Variants in RBMS1 observed in about 807,000 individuals in gnomAD.
The protein encoded by RBMS1 is RNA binding motif single stranded interacting protein 1, also known as RNA-binding motif, single-stranded-interacting protein 1.
RBMS1 carries 17 observed loss-of-function variants against 62.3 expected under a neutral mutation model. That is an observed-to-expected ratio of 0.27 (90% CI 0.19 to 0.41). The LOEUF is 0.41. Among genes scored for constraint, RBMS1 ranks in the 10% least tolerant of loss-of-function variants. RBMS1 has a pLI of 1.00. For synonymous variants in RBMS1, 172 were observed against 170.0 expected (o/e 1.01, Z -0.09); for missense variants, 334 against 504.5 (o/e 0.66, Z 3.24).
rs1023099857 is a variant in RBMS1 at position 160,284,762 on chromosome 2, T to G, written c.900+13A>C. 1 of 1,555,664 alleles carries G rather than the reference T, an allele frequency of 6.4e-7. No homozygotes were observed. Among genetic ancestry groups the G allele is most frequent in the Non-Finnish European group, 8.9e-7 (1 of 1,126,942 alleles). ...AAGTGGTTATACTGCTGACGAATCC[T>G]AAAGGTACAAACCTGGTAGGCAGAT... On this transcript the variant is annotated intron_variant, in intron 9 of 13. Coordinates refer to ENST00000348849, the MANE Select transcript of RBMS1 (RefSeq NM_016836.4).
chr2:160,338,451 TAGAAA>T (rs1213167639), intron 2 of RBMS1, among the ~76,000 whole-genome samples: 1 of 152,126 alleles, frequency 6.6e-6, no homozygotes, highest in East Asian at 1.9e-4. Flanking sequence ...TTATGTATAC[TAGAAA>T]AAAGTTACAG....
intron 1 of RBMS1, among the ~76,000 whole-genome samples, chr2:160,444,716 G>A (rs565368880): frequency 2.0e-5 from 3 of 152,154 alleles, no homozygotes; most frequent in South Asian, 2.1e-4. Flanking sequence ...GGTAATTAAA[G>A]TTAAATGAGG....
chr2:160,313,108 A>G (rs779175152), intron 4 of RBMS1, 48 bp downstream of exon 4: 14 of 1,577,086 alleles, frequency 8.9e-6, no homozygotes, highest in African/African-American at 2.7e-5. Context: ...GTCGGGCTTC[A>G]CAACCAAAGC....
At chr2:160,308,830 G>A (rs917551732) in intron 4 of RBMS1, among the ~76,000 whole-genome samples, 1 of 152,158 alleles carries the variant, frequency 6.6e-6, no homozygotes, top group Non-Finnish European at 1.5e-5. Flanking sequence ...CTGTAGACAC[G>A]ACATATAGTG....
intron 1 of RBMS1, among the ~76,000 whole-genome samples, chr2:160,454,784 A>G (rs1455453835): frequency 6.6e-6 from 1 of 152,240 alleles, no homozygotes; most frequent in Non-Finnish European, 1.5e-5. Context: ...TGGGGCTGGG[A>G]CAGTGACAGG....
rs1017646035 is a variant in RBMS1, at chr2:160,351,333, TA to T, written c.251+15882del. On this transcript the variant is annotated intron_variant, in intron 2 of 13. Coordinates refer to ENST00000348849, the MANE Select transcript of RBMS1 (RefSeq NM_016836.4). ...CTAGAACTTAAAGTATAATAAATAA[TA>T]AAAAAAAAAGAGAGAATGAAGCAGA... Among the ~76,000 whole-genome samples the T allele has an allele frequency of 2.3e-3, 330 of 144,486 alleles. 3 individuals are homozygous for T. The highest frequency in any genetic ancestry group is 5.9e-3 in the African/African-American group (233 of 39,340). The allele number at this position is 144,486 out of a possible 152,430, so 94.8% of individuals were successfully genotyped here.
rs544945976 is a variant in RBMS1 at position 160,318,379 on chromosome 2, G to C, written c.252-152C>G. On this transcript the variant is annotated intron_variant, in intron 2 of 13. Transcript: ENST00000348849. ...ACAAAATTTTCTTTACTAAGAGACA[G>C]GAAATGAGAATTCTGAACTCAAAAC... 1.4e-5 allele frequency: 17 copies of C among 1,211,656 alleles called. No homozygotes were observed. The East Asian group carries it at 3.2e-4, about 23-fold the overall frequency. The allele number at this position is 1,211,656 out of a possible 1,614,324, so 75.1% of individuals were successfully genotyped here. A position where few individuals can be genotyped will look rare whatever the true frequency, so the allele number is the denominator to read the frequency against.
intron 1 of RBMS1, among the ~76,000 whole-genome samples, chr2:160,443,211 CA>C (rs67505228): frequency 0.6 from 80,166 of 133,122 alleles, 22,951 homozygotes; most frequent in Admixed American, 0.69. Context: ...CTTAAGAAAA[CA>C]AAAAAAAAAA....
At position 160,274,395 on chromosome 2, in the gene RBMS1, G is replaced by A. The variant is rs1687718920; in HGVS notation, c.*377C>T. 1.3e-5 allele frequency: 2 copies of A among 149,436 alleles called. No individual in the cohort carries two copies. Among genetic ancestry groups the A allele is most frequent in the Admixed American group, 6.7e-5 (1 of 15,020 alleles). 9.3% of individuals were successfully genotyped at this position (149,436 alleles called of 1,614,324 possible). A position where few individuals can be genotyped will look rare whatever the true frequency, so the allele number is the denominator to read the frequency against. On this transcript the variant is annotated 3_prime_UTR_variant, in exon 14 of 14. Transcript: ENST00000348849. ...AAAATGAACAAAACCACAAAAATCCGGTCATGCACTTGGATAAGTCTTCAT... is the reference window on the plus strand; with the variant it reads ...AAAATGAACAAAACCACAAAAATCCAGTCATGCACTTGGATAAGTCTTCAT...
intron 2 of RBMS1, among the ~76,000 whole-genome samples, chr2:160,334,055 T>C (rs1483314238): frequency 6.6e-6 from 1 of 152,184 alleles, no homozygotes; most frequent in South Asian, 2.1e-4. Flanking sequence ...AATGATTATT[T>C]TGAAAACTCA....
chr2:160,298,657 C>G (rs1689061784), intron 6 of RBMS1, among the ~76,000 whole-genome samples: 1 of 152,076 alleles, frequency 6.6e-6, no homozygotes, highest in African/African-American at 2.4e-5. Flanking sequence ...ATACAGCAGA[C>G]AGACACAGGA....
At chr2:160,478,250 C>T (rs1685223883) in intron 1 of RBMS1, among the ~76,000 whole-genome samples, 2 of 152,206 alleles carry the variant, frequency 1.3e-5, no homozygotes, top group African/African-American at 4.8e-5. Flanking sequence ...TTCGAGAATT[C>T]ACCAGTTATG....
intron 1 of RBMS1, among the ~76,000 whole-genome samples, chr2:160,474,855 AACTCAATG>A (rs1685060277): frequency 6.6e-6 from 1 of 152,222 alleles, no homozygotes; most frequent in Admixed American, 6.5e-5. Flanking sequence ...AATATCCATT[AACTCAATG>A]TCCTGCAAAG....
chr2:160,333,229 G>A (rs1245698057), intron 2 of RBMS1, among the ~76,000 whole-genome samples: 1 of 152,036 alleles, frequency 6.6e-6, no homozygotes, highest in Non-Finnish European at 1.5e-5. Flanking sequence ...TGTTATTTGA[G>A]AAATATGTAT....
intron 2 of RBMS1, among the ~76,000 whole-genome samples, chr2:160,338,604 T>A (rs1353921148): frequency 6.6e-6 from 1 of 152,220 alleles, no homozygotes; most frequent in African/African-American, 2.4e-5. Context: ...TATCTATATA[T>A]CTTTTTCTCA....
At chr2:160,395,627 A>AC (rs918253937) in intron 1 of RBMS1, among the ~76,000 whole-genome samples, 2 of 151,280 alleles carry the variant, frequency 1.3e-5, no homozygotes, top group Non-Finnish European at 3.0e-5. Flanking sequence ...CCGTCTCAAA[A>AC]AAAAAAAAAA....
Position 160,318,229 on chromosome 2 carries a change from T to TAAAAAAAAAAAAAAAAAA in RBMS1, c.252-20_252-3dup, listed in dbSNP as rs5835799. The TAAAAAAAAAAAAAAAAAA allele has an allele frequency of 4.5e-5, 52 of 1,164,684 alleles. No individual in the cohort carries two copies. The highest frequency in any genetic ancestry group is 2.2e-4 in the South Asian group (11 of 49,542). The allele number at this position is 1,164,684 out of a possible 1,614,324, so 72.1% of individuals were successfully genotyped here. A position where few individuals can be genotyped will look rare whatever the true frequency, so the allele number is the denominator to read the frequency against. On this transcript the variant is annotated splice_polypyrimidine_tract_variant and splice_region_variant and intron_variant, in intron 2 of 13. Transcript: ENST00000348849. ...TTTGTGGAGACTATTTTCCCATATC[T>TAAAAAAAAAAAAAAAAAA]AAAAAAAAAAAAAAAAAAAAAAAGG...
At chr2:160,290,069 T>C (rs1381434039) in intron 6 of RBMS1, among the ~76,000 whole-genome samples, 1 of 136,540 alleles carries the variant, frequency 7.3e-6, no homozygotes, top group African/African-American at 2.8e-5. Flanking sequence ...TAAGTGTGTG[T>C]GAGCGTGTTA....
At chr2:160,480,877 A>G (rs1484302480) in intron 1 of RBMS1, among the ~76,000 whole-genome samples, 1 of 151,998 alleles carries the variant, frequency 6.6e-6, no homozygotes, top group Non-Finnish European at 1.5e-5. Flanking sequence ...CCAGGAGTTC[A>G]AGACCAGCCT....
Sources: gnomAD v4.1 joint callset for allele counts (sites outside exome capture counted in the v4.1 genomes callset) on GRCh38, gnomAD v4.1.1 for gene constraint, MANE v1.5 for transcripts, NCBI Gene and HGNC (gene_info 2026-07-23, HGNC 2026-07-21) for gene names.